NDUFA10: variants seen among roughly 807,000 people sequenced by gnomAD.
NDUFA10 encodes the protein NADH dehydrogenase [ubiquinone] 1 alpha subcomplex subunit 10, mitochondrial.
In NDUFA10, 40 loss-of-function variants were observed where a neutral mutation model predicts 47.8. That is an observed-to-expected ratio of 0.84 (90% CI 0.65 to 1.09). The LOEUF (loss-of-function observed/expected upper bound fraction) is 1.09, where lower values mean the gene tolerates loss of function less well. Ranked by LOEUF, NDUFA10 falls within the 50% of genes least tolerant of loss-of-function variation. The pLI is 0.00. For missense variants in NDUFA10, 413 were observed against 451.1 expected (o/e 0.92, Z 0.76); for synonymous variants, 183 against 172.2 (o/e 1.06, Z -0.49).
intron 9 of NDUFA10, among the ~76,000 whole-genome samples, chr2:239,978,119 G>GC (rs1338809731): frequency 6.6e-6 from 1 of 152,052 alleles, no homozygotes; most frequent in Non-Finnish European, 1.5e-5. Context: ...GAGCCAAGAG[G>GC]CCCCCCTGCC....
chr2:239,967,061 C>T (rs1695102277), intron 9 of NDUFA10, among the ~76,000 whole-genome samples: 1 of 152,042 alleles, frequency 6.6e-6, no homozygotes, highest in Non-Finnish European at 1.5e-5. Context: ...TAAATAACAC[C>T]GATGTGCCCC....
chr2:239,991,809 T>C (rs984486996), intron 8 of NDUFA10, among the ~76,000 whole-genome samples: 1 of 152,236 alleles, frequency 6.6e-6, no homozygotes, highest in Admixed American at 6.5e-5. Flanking sequence ...GACATGGTTC[T>C]CTTTACAGTT....
rs546570413 is a variant in NDUFA10 at position 239,915,499 on chromosome 2, A to G, written c.295-20185T>C. 1.3e-4 allele frequency among the ~76,000 whole-genome samples: 20 copies of G among 149,472 alleles called. No homozygotes were observed. In the East Asian group the frequency reaches 3.5e-3, roughly 26 times the overall value. On this transcript the variant is annotated intron_variant, in intron 4 of 5. Transcript: ENST00000419408. ...ACACACAGAACACACACACAGACAC[A>G]CACAAATATACAGACACACACAGAC... is the stretch of plus-strand genomic sequence containing the variant.
chr2:239,953,697 G>A (rs1056763932), downstream of NDUFA10, among the ~76,000 whole-genome samples: 14 of 145,280 alleles, frequency 9.6e-5, no homozygotes, highest in Middle Eastern at 3.5e-3. Context: ...AACAGGCACC[G>A]CGAACGTAAG....
intron 4 of NDUFA10, among the ~76,000 whole-genome samples, chr2:239,943,635 T>G (rs1401459127): frequency 6.6e-6 from 1 of 152,204 alleles, no homozygotes; most frequent in Non-Finnish European, 1.5e-5. Flanking sequence ...TCTTTGACAT[T>G]TTTTTAATGT....
At chr2:239,933,921 G>A (rs935967142) in intron 4 of NDUFA10, among the ~76,000 whole-genome samples, 5 of 152,130 alleles carry the variant, frequency 3.3e-5, no homozygotes, top group African/African-American at 4.8e-5. Flanking sequence ...GGAGTGACAC[G>A]ATCACAGCTC....
chr2:239,935,870 C>A (rs1355130485), intron 4 of NDUFA10, among the ~76,000 whole-genome samples: 1 of 152,216 alleles, frequency 6.6e-6, no homozygotes, highest in Non-Finnish European at 1.5e-5. Context: ...GTCCATTAAA[C>A]CTCTTTTTCT....
At position 239,973,504 on chromosome 2, in the gene NDUFA10, C is replaced by T. The variant is rs550405815; in HGVS notation, c.1000-12318G>A. The T allele has an allele frequency of 3.4e-5, 16 of 470,716 alleles. No individual in the cohort carries two copies. In the East Asian group the frequency reaches 9.0e-4, roughly 27 times the overall value. 29.2% of individuals were successfully genotyped at this position (470,716 alleles called of 1,614,324 possible). On this transcript the variant is annotated intron_variant, in intron 9 of 9. Transcript: ENST00000252711. ...GAGATAGTAAAAGAAACAAAAATAGCAGGCGAGAAAACAGAAGATTCTGTT... is the reference window on the plus strand; with the variant it reads ...GAGATAGTAAAAGAAACAAAAATAGTAGGCGAGAAAACAGAAGATTCTGTT...
chr2:240,017,561 G>A (rs1391812409), intron 4 of NDUFA10, among the ~76,000 whole-genome samples: 1 of 152,066 alleles, frequency 6.6e-6, no homozygotes, highest in African/African-American at 2.4e-5. Context: ...CCAACCCCGG[G>A]CCCGTGGGAG....
rs901105231 is a variant in NDUFA10 at position 239,969,940 on chromosome 2, A to C, written c.1000-8754T>G. On this transcript the variant is annotated intron_variant, in intron 9 of 9. Transcript: ENST00000252711. ...CAAGTCACCTAATGCATGGATACAT[A>C]AGAGTCCCCAAAAGGGGGAGGATAG... Among the ~76,000 whole-genome samples, 5 of 152,360 alleles carry C rather than the reference A, an allele frequency of 3.3e-5. No individual in the cohort carries two copies. The East Asian group carries it at 9.6e-4, about 29-fold the overall frequency.
At position 240,025,209 on chromosome 2, in the gene NDUFA10, A is replaced by G; in HGVS notation, c.75+18T>C. ...CACCCTGCCACCCCGCCACCCTGCC[A>G]CCCCGCCGCCCGCTCACCACGCGCT... On this transcript the variant is annotated intron_variant, in intron 1 of 9. Coordinates refer to ENST00000252711, the MANE Select transcript of NDUFA10 (RefSeq NM_004544.4). 8.3e-7 allele frequency: 1 copy of G among 1,200,408 alleles called. No individual in the cohort carries two copies. The highest frequency in any genetic ancestry group is 5.1e-5 in the East Asian group (1 of 19,782). The allele number at this position is 1,200,408 out of a possible 1,614,324, so 74.4% of individuals were successfully genotyped here. A position where few individuals can be genotyped will look rare whatever the true frequency, so the allele number is the denominator to read the frequency against.
chr2:239,896,238 G>T (rs1693394167), intron 4 of NDUFA10, among the ~76,000 whole-genome samples: 1 of 152,236 alleles, frequency 6.6e-6, no homozygotes, highest in South Asian at 2.1e-4. Context: ...TGCATATCAT[G>T]CAAATCTCCT....
At chr2:239,952,134 G>C (rs1694565545) in intron 4 of NDUFA10, among the ~76,000 whole-genome samples, 1 of 152,184 alleles carries the variant, frequency 6.6e-6, no homozygotes, top group Non-Finnish European at 1.5e-5. Flanking sequence ...TGCTCGCAGA[G>C]GGCAGACAGC....
In NDUFA10 at chr2:239,929,950, C is replaced by T. The variant is rs554632103; in HGVS notation, c.295-34636G>A. Among the ~76,000 whole-genome samples the T allele has an allele frequency of 2.4e-3, 344 of 145,266 alleles. 3 individuals are homozygous for T. The highest frequency in any genetic ancestry group is 8.6e-3 in the African/African-American group (329 of 38,200). ...TGCTCCTCCACTGCCCCTGCTCCTC[C>T]GCTGCCCCTGCTTCTCCACCGCCCC... On this transcript the variant is annotated intron_variant, in intron 4 of 5. Coordinates refer to the NDUFA10 transcript ENST00000419408.
At position 240,019,756 on chromosome 2, in the gene NDUFA10, T is replaced by C. The variant is rs1224848332; in HGVS notation, c.461-1117A>G. On this transcript the variant is annotated intron_variant, in intron 3 of 9. Coordinates refer to ENST00000252711, the MANE Select transcript of NDUFA10 (RefSeq NM_004544.4). ...ATGGCATGAACCCGGGAGGCGGAGC[T>C]TGCAGTGAGCCGAGATCCCGCCACT... Among the ~76,000 whole-genome samples the C allele has an allele frequency of 1.9e-4, 5 of 26,786 alleles. 2 individuals are homozygous for C. Among genetic ancestry groups the C allele is most frequent in the African/African-American group, 7.3e-4 (5 of 6,842 alleles). The allele number at this position is 26,786 out of a possible 152,430, so 17.6% of individuals were successfully genotyped here.
intron 4 of NDUFA10, among the ~76,000 whole-genome samples, chr2:239,933,241 C>G (rs1450416572): frequency 6.6e-6 from 1 of 152,226 alleles, no homozygotes; most frequent in East Asian, 1.9e-4. Context: ...TCTGCCCACC[C>G]AGGCCATATC....
intron 8 of NDUFA10, among the ~76,000 whole-genome samples, chr2:239,995,030 T>C (rs1439002285): frequency 1.3e-5 from 2 of 152,168 alleles, no homozygotes; most frequent in East Asian, 1.9e-4. Flanking sequence ...ATCTCAGCAC[T>C]TTGGGAGGCC....
intron 1 of NDUFA10, among the ~76,000 whole-genome samples, chr2:240,024,466 G>T (rs1487992596): frequency 6.6e-6 from 1 of 152,134 alleles, no homozygotes; most frequent in African/African-American, 2.4e-5. Flanking sequence ...GAAAAAGAAG[G>T]GTTTAATAGG....
chr2:239,972,152 TG>T (rs1377492066), intron 9 of NDUFA10, among the ~76,000 whole-genome samples: 2 of 151,558 alleles, frequency 1.3e-5, no homozygotes, highest in Non-Finnish European at 2.9e-5. Flanking sequence ...TGTGTGTGTG[TG>T]TGTGTGTGTG....
Sources: gnomAD v4.1 joint callset for allele counts (sites outside exome capture counted in the v4.1 genomes callset) on GRCh38, gnomAD v4.1.1 for gene constraint, MANE v1.5 for transcripts, NCBI Gene and HGNC (gene_info 2026-07-23, HGNC 2026-07-21) for gene names.